The following KLHL1 variants were observed in gnomAD, a reference collection of about 807,000 sequenced individuals.
KLHL1 encodes the protein kelch like family member 1.
In KLHL1, 47 loss-of-function variants were observed where a neutral mutation model predicts 77.7. That is an observed-to-expected ratio of 0.60 (90% CI 0.48 to 0.77). The LOEUF is 0.77. KLHL1 is among the 30% of genes least tolerant of loss of function. KLHL1 has a pLI of 0.00. For synonymous variants in KLHL1, 360 were observed against 325.2 expected, an observed-to-expected ratio of 1.11 and a Z score of -1.15; for missense variants, 925 against 910.8, an observed-to-expected ratio of 1.02 and a Z score of -0.20.
At chr13:69,825,881 A>G (rs1481131147) in intron 6 of KLHL1, among the ~76,000 whole-genome samples, 1 of 152,224 alleles carries the variant, frequency 6.6e-6, no homozygotes, top group African/African-American at 2.4e-5. Flanking sequence ...CCCAGATAGT[A>G]TATTAATAGT....
intron 1 of KLHL1, among the ~76,000 whole-genome samples, chr13:70,064,114 T>C (rs1886953378): frequency 6.6e-6 from 1 of 152,106 alleles, no homozygotes; most frequent in Non-Finnish European, 1.5e-5. Context: ...AAATCAATAA[T>C]TGTCTATGAG....
At chr13:69,790,557 CAAAT>C (rs940673597) in intron 7 of KLHL1, among the ~76,000 whole-genome samples, 7 of 151,964 alleles carry the variant, frequency 4.6e-5, no homozygotes, top group Admixed American at 6.5e-5. Flanking sequence ...TACTAACAAA[CAAAT>C]AAAGAAATAC....
chr13:70,034,669 G>A (rs1482095057), intron 1 of KLHL1, among the ~76,000 whole-genome samples: 2 of 152,082 alleles, frequency 1.3e-5, no homozygotes, highest in Non-Finnish European at 2.9e-5. Flanking sequence ...TTTGTGTAGA[G>A]GGGAAGAGGT....
intron 1 of KLHL1, among the ~76,000 whole-genome samples, chr13:70,049,681 A>C (rs1593702937): frequency 6.6e-6 from 1 of 152,292 alleles, no homozygotes; most frequent in Middle Eastern, 3.4e-3. Context: ...TTTTAACTCC[A>C]TAATAAACTT....
intron 1 of KLHL1, among the ~76,000 whole-genome samples, chr13:69,984,230 C>A (rs1193571711): frequency 6.6e-6 from 1 of 152,046 alleles, no homozygotes; most frequent in East Asian, 1.9e-4. Flanking sequence ...TAAGGTTTCT[C>A]TTTTAATAAA....
chr13:69,924,576 G>T (rs1439441956), intron 4 of KLHL1, among the ~76,000 whole-genome samples: 1 of 152,152 alleles, frequency 6.6e-6, no homozygotes, highest in Admixed American at 6.5e-5. Flanking sequence ...ACTCCTGTTT[G>T]TCTTGCTGAC....
chr13:69,904,350 G>C (rs1435628650), intron 4 of KLHL1, among the ~76,000 whole-genome samples: 5 of 152,056 alleles, frequency 3.3e-5, no homozygotes, highest in South Asian at 2.1e-4. Context: ...ATATAAAAAA[G>C]TATATGTATT....
chr13:69,872,954 T>A (rs1275436925), intron 5 of KLHL1, among the ~76,000 whole-genome samples: 1 of 152,200 alleles, frequency 6.6e-6, no homozygotes, highest in South Asian at 2.1e-4. Context: ...GAGGGATGAA[T>A]GTCCAAACTA....
intron 6 of KLHL1, 46 bp downstream of exon 6, chr13:69,838,930 C>T (rs376097027): frequency 6.2e-5 from 79 of 1,274,182 alleles, no homozygotes; most frequent in Non-Finnish European, 7.5e-5. Flanking sequence ...AGCTGCAACA[C>T]GGTATAACAC....
chr13:69,748,203 T>A (rs1304379388), intron 7 of KLHL1, among the ~76,000 whole-genome samples: 1 of 151,940 alleles, frequency 6.6e-6, no homozygotes, highest in East Asian at 1.9e-4. Flanking sequence ...TGAGTTCTGG[T>A]TTAGGAGTCT....
intron 1 of KLHL1, among the ~76,000 whole-genome samples, chr13:70,086,177 A>G (rs7984828): frequency 6.6e-6 from 1 of 152,020 alleles, no homozygotes; most frequent in African/African-American, 2.4e-5. Flanking sequence ...AACAACATGG[A>G]GTGTCAGGAA....
chr13:69,813,757 C>T (rs1286581843), intron 6 of KLHL1, among the ~76,000 whole-genome samples: 1 of 152,106 alleles, frequency 6.6e-6, no homozygotes, highest in Non-Finnish European at 1.5e-5. Context: ...ATGACACAAA[C>T]AAATGTAAAA....
At position 69,984,019 on chromosome 13, in the gene KLHL1, G is replaced by A. The variant is rs916200405; in HGVS notation, c.498-8217C>T. 5.9e-5 allele frequency among the ~76,000 whole-genome samples: 9 copies of A among 152,116 alleles called. No individual in the cohort carries two copies. The East Asian group carries it at 7.7e-4, about 13-fold the overall frequency. ...TAAAGTCAACTAAAAATAGGTTAGA[G>A]TCTTAAATGTCAGACCTGAAACCAT... On this transcript the variant is annotated intron_variant, in intron 1 of 10. Coordinates refer to ENST00000377844, the MANE Select transcript of KLHL1 (RefSeq NM_020866.3).
intron 1 of KLHL1, among the ~76,000 whole-genome samples, chr13:70,072,059 C>A (rs1887149614): frequency 6.6e-6 from 1 of 152,020 alleles, no homozygotes; most frequent in African/African-American, 2.4e-5. Flanking sequence ...CCTACTCAGA[C>A]TAACCAAGAT....
intron 7 of KLHL1, among the ~76,000 whole-genome samples, chr13:69,768,107 T>C (rs1186874467): frequency 6.6e-6 from 1 of 152,184 alleles, no homozygotes; most frequent in African/African-American, 2.4e-5. Flanking sequence ...GATCTTCTCC[T>C]GTGGTAATAC....
intron 4 of KLHL1, among the ~76,000 whole-genome samples, chr13:69,896,935 G>T (rs1244983114): frequency 6.6e-6 from 1 of 152,008 alleles, no homozygotes; most frequent in African/African-American, 2.4e-5. Context: ...CTCCCAATGT[G>T]CCGGGATTAC....
At chr13:70,074,870 A>T (rs1193497167) in intron 1 of KLHL1, among the ~76,000 whole-genome samples, 1 of 151,960 alleles carries the variant, frequency 6.6e-6, no homozygotes, top group African/African-American at 2.4e-5. Context: ...GTAGATAAAA[A>T]ATTTTAAATT....
At chr13:69,966,515 G>A (rs757487800) in intron 2 of KLHL1, among the ~76,000 whole-genome samples, 1 of 152,100 alleles carries the variant, frequency 6.6e-6, no homozygotes, top group African/African-American at 2.4e-5. Context: ...GTTGTCTTTA[G>A]GCCTGCTAAC....
intron 4 of KLHL1, among the ~76,000 whole-genome samples, chr13:69,939,378 T>TATATATGTACAC (rs1200160699): frequency 2.8e-5 from 2 of 70,822 alleles, no homozygotes; most frequent in East Asian, 6.5e-4. Context: ...TATATATATA[T>TATATATGTACAC]ACACACACAC....
Sources: gnomAD v4.1 joint callset for allele counts (sites outside exome capture counted in the v4.1 genomes callset) on GRCh38, gnomAD v4.1.1 for gene constraint, MANE v1.5 for transcripts, NCBI Gene and HGNC (gene_info 2026-07-23, HGNC 2026-07-21) for gene names.